The following CPQ variants were observed in gnomAD, a reference collection of about 807,000 sequenced individuals.
CPQ encodes Ser-Met dipeptidase.
In CPQ, 37 loss-of-function variants were observed where a neutral mutation model predicts 45.7. That is an observed-to-expected ratio of 0.81 (90% CI 0.62 to 1.07). The LOEUF (loss-of-function observed/expected upper bound fraction) is 1.07. CPQ is among the 50% of genes least tolerant of loss of function. CPQ has a pLI of 0.00. For missense variants in CPQ, 537 were observed against 572.9 expected (o/e 0.94, Z 0.64); for synonymous variants, 186 against 205.8 (o/e 0.90, Z 0.82).
chr8:96,854,148 A>T (rs902644369), intron 3 of CPQ, among the ~76,000 whole-genome samples: 1 of 152,208 alleles, frequency 6.6e-6, no homozygotes. Flanking sequence ...AAGTGTAACC[A>T]CAAAGCTGGG....
intron 5 of CPQ, among the ~76,000 whole-genome samples, chr8:96,999,589 C>T (rs902161749): frequency 2.0e-5 from 3 of 151,982 alleles, no homozygotes; most frequent in African/African-American, 7.2e-5. Flanking sequence ...TTTATGGCTG[C>T]CTAGTATTCC....
chr8:96,688,796 G>A (rs1809268500), intron 1 of CPQ, among the ~76,000 whole-genome samples: 1 of 152,088 alleles, frequency 6.6e-6, no homozygotes, highest in Non-Finnish European at 1.5e-5. Flanking sequence ...TCATTGATAA[G>A]TAACTGAAAA....
At chr8:96,797,248 CTGTAGAAAATCCCAGGAA>C (rs1409019569) in intron 2 of CPQ, among the ~76,000 whole-genome samples, 2 of 152,192 alleles carry the variant, frequency 1.3e-5, no homozygotes, top group Non-Finnish European at 2.9e-5. Context: ...AGAACCCTAA[CTGTAGAAAATCCCAGGAA>C]TGTAGTTCTT....
chr8:96,871,432 A>C (rs2130874540), intron 3 of CPQ, among the ~76,000 whole-genome samples: 1 of 151,754 alleles, frequency 6.6e-6, no homozygotes, highest in East Asian at 1.9e-4. Flanking sequence ...ATTTCAGTAG[A>C]TATCTTTCTA....
At chr8:96,902,349 T>C (rs921552439) in intron 4 of CPQ, among the ~76,000 whole-genome samples, 1 of 152,174 alleles carries the variant, frequency 6.6e-6, no homozygotes, top group Non-Finnish European at 1.5e-5. Flanking sequence ...AGAGGCCAAA[T>C]AAATTGTCCG....
intron 5 of CPQ, among the ~76,000 whole-genome samples, chr8:97,018,344 A>G (rs1809617715): frequency 6.6e-6 from 1 of 152,184 alleles, no homozygotes; most frequent in South Asian, 2.1e-4. Flanking sequence ...CATCCCCCCA[A>G]AAAATCACAC....
chr8:96,722,242 A>G (rs1809773100), intron 1 of CPQ, among the ~76,000 whole-genome samples: 6 of 152,322 alleles, frequency 3.9e-5, no homozygotes, highest in African/African-American at 1.4e-4. Flanking sequence ...CTCTTTAAAT[A>G]TATAGGATAA....
chr8:97,076,245 C>T (rs752896511), intron 7 of CPQ, among the ~76,000 whole-genome samples: 87 of 151,868 alleles, frequency 5.7e-4, no homozygotes, highest in Non-Finnish European at 2.1e-4. Flanking sequence ...AGGCTGGTCT[C>T]GAACACCTGA....
intron 7 of CPQ, among the ~76,000 whole-genome samples, chr8:97,136,832 C>T (rs951192828): frequency 1.3e-5 from 2 of 152,192 alleles, no homozygotes; most frequent in African/African-American, 4.8e-5. Context: ...CTTCAGAGCT[C>T]ATATACCTGT....
intron 3 of CPQ, among the ~76,000 whole-genome samples, chr8:96,836,306 A>T (rs1426817752): frequency 6.6e-6 from 1 of 152,232 alleles, no homozygotes; most frequent in Non-Finnish European, 1.5e-5. Flanking sequence ...TAGGAAATCC[A>T]GTCAGAGGAA....
At chr8:96,759,396 G>A (rs1216888791) in intron 1 of CPQ, among the ~76,000 whole-genome samples, 1 of 152,102 alleles carries the variant, frequency 6.6e-6, no homozygotes, top group Non-Finnish European at 1.5e-5. Flanking sequence ...TCTTCGAAGT[G>A]TGATTTCCTG....
At position 96,853,872 on chromosome 8, in the gene CPQ, C is replaced by T. The variant is rs148449390; in HGVS notation, c.641+18692C>T. On this transcript the variant is annotated intron_variant, in intron 3 of 7. Coordinates refer to ENST00000220763, the MANE Select transcript of CPQ (RefSeq NM_016134.4). The stretch of plus-strand genomic sequence containing the variant: ...GTCATGGCAAAACCAATGATGGTAA[C>T]GCCATACTTATCTGGAGGTTAAAGT... Among the ~76,000 whole-genome samples the T allele has an allele frequency of 5.1e-3, 783 of 152,154 alleles. 4 individuals are homozygous for T. The highest frequency in any genetic ancestry group is 0.015 in the African/African-American group (622 of 41,474).
rs567293499 is a variant in CPQ at position 96,826,788 on chromosome 8, C to T, written c.434-8185C>T. Among the ~76,000 whole-genome samples the T allele has an allele frequency of 2.6e-5, 4 of 152,156 alleles. No homozygotes were observed. In the South Asian group the frequency reaches 8.3e-4, roughly 32 times the overall value. On this transcript the variant is annotated intron_variant, in intron 2 of 7. Coordinates refer to ENST00000220763, the MANE Select transcript of CPQ (RefSeq NM_016134.4). Reference sequence around the variant, plus strand: ...CAATGCTCTCCCTCCCCGTACTCCACTCCTCAACAGGCCTCAGTGTGTGTT... The same window carrying T: ...CAATGCTCTCCCTCCCCGTACTCCATTCCTCAACAGGCCTCAGTGTGTGTT...
At position 96,810,260 on chromosome 8, in the gene CPQ, A is replaced by G. The variant is rs141664194; in HGVS notation, c.434-24713A>G. Reference sequence around the variant, plus strand: ...AGCTCTTTATGGGTTTGTCTTCCCCAAAAGAGGTTAAGGACTATATCTTAC... The same window carrying G: ...AGCTCTTTATGGGTTTGTCTTCCCCGAAAGAGGTTAAGGACTATATCTTAC... On this transcript the variant is annotated intron_variant, in intron 2 of 7. Coordinates refer to ENST00000220763, the MANE Select transcript of CPQ (RefSeq NM_016134.4). Among the ~76,000 whole-genome samples, 84 of 152,276 alleles carry G rather than the reference A, an allele frequency of 5.5e-4. 1 individual carries two copies. The highest frequency in any genetic ancestry group is 4.4e-5 in the Non-Finnish European group (3 of 68,016).
At chr8:96,797,772 C>G (rs1810952994) in intron 2 of CPQ, among the ~76,000 whole-genome samples, 1 of 152,024 alleles carries the variant, frequency 6.6e-6, no homozygotes, top group African/African-American at 2.4e-5. Flanking sequence ...ACAAAAATTG[C>G]CAGGTGCGGT....
At chr8:97,054,357 G>A (rs1810415312) in intron 6 of CPQ, among the ~76,000 whole-genome samples, 1 of 152,182 alleles carries the variant, frequency 6.6e-6, no homozygotes, top group Non-Finnish European at 1.5e-5. Context: ...ATGGAAAACA[G>A]TATGGAGATT....
chr8:96,745,079 G>A (rs567238096), intron 1 of CPQ, among the ~76,000 whole-genome samples: 9 of 152,298 alleles, frequency 5.9e-5, no homozygotes, highest in Admixed American at 2.0e-4. Flanking sequence ...GGAAGCCAAC[G>A]TGGGTAGATC....
chr8:96,688,056 G>T (rs1406792433), intron 1 of CPQ, among the ~76,000 whole-genome samples: 1 of 151,974 alleles, frequency 6.6e-6, no homozygotes, highest in East Asian at 1.9e-4. Context: ...CTATTGCTGA[G>T]ATTTTATTTT....
At chr8:96,649,473 A>G (rs537669954) in intron 1 of CPQ, among the ~76,000 whole-genome samples, 5 of 152,354 alleles carry the variant, frequency 3.3e-5, no homozygotes, top group African/African-American at 9.6e-5. Flanking sequence ...TTGAGAGACT[A>G]TTTGAAGACA....
Sources: allele counts gnomAD v4.1 joint callset (sites outside exome capture counted in the v4.1 genomes callset), GRCh38; gene constraint gnomAD v4.1.1; transcripts MANE v1.5; gene names NCBI Gene and HGNC (gene_info 2026-07-23, HGNC 2026-07-21).